ZNF804B: variants seen among roughly 807,000 people sequenced by gnomAD.
ZNF804B encodes zinc finger 804B.
A neutral mutation model predicts 101.4 loss-of-function variants in ZNF804B; 80 were observed. The ratio of observed to expected loss-of-function variants is 0.79; its 90% CI spans 0.66 to 0.95. The LOEUF (loss-of-function observed/expected upper bound fraction) is 0.95, where lower values mean the gene tolerates loss of function less well. ZNF804B is among the 40% of genes least tolerant of loss of function. The probability of loss-of-function intolerance (pLI) is 0.00; values close to 1 mark genes in which losing one functional copy is unlikely to be tolerated. For synonymous variants in ZNF804B, 622 were observed against 558.8 expected (o/e 1.11, Z -1.59); for missense variants, 1,673 against 1,561.9 (o/e 1.07, Z -1.20).
chr7:89,262,323 C>G (rs562201441), intron 2 of ZNF804B, among the ~76,000 whole-genome samples: 26 of 152,250 alleles, frequency 1.7e-4, no homozygotes, highest in African/African-American at 5.1e-4. Context: ...ATGCCTCTGG[C>G]CCATGCTCAT....
At chr7:89,201,571 T>G (rs757154) in intron 1 of ZNF804B, among the ~76,000 whole-genome samples, 1 of 151,822 alleles carries the variant, frequency 6.6e-6, no homozygotes, top group Non-Finnish European at 1.5e-5. Flanking sequence ...AAAAGGAGCA[T>G]GTAGTGGAAT....
intron 1 of ZNF804B, among the ~76,000 whole-genome samples, chr7:88,862,161 A>G (rs1373222319): frequency 1.3e-5 from 2 of 152,234 alleles, no homozygotes; most frequent in African/African-American, 4.8e-5. Flanking sequence ...AAGGACATGT[A>G]GTATAAAATT....
intron 1 of ZNF804B, among the ~76,000 whole-genome samples, chr7:89,082,540 C>T (rs966772612): frequency 6.6e-6 from 1 of 151,630 alleles, no homozygotes; most frequent in African/African-American, 2.4e-5. Context: ...TTATATTACA[C>T]AGTTTGTTGC....
chr7:89,037,476 A>G (rs1358933940), intron 1 of ZNF804B, among the ~76,000 whole-genome samples: 2 of 151,880 alleles, frequency 1.3e-5, no homozygotes, highest in African/African-American at 4.8e-5. Context: ...TATTAGTTAT[A>G]TATGTATATA....
chr7:89,283,476 T>C (rs1242545755), intron 2 of ZNF804B, among the ~76,000 whole-genome samples: 3 of 152,228 alleles, frequency 2.0e-5, no homozygotes, highest in East Asian at 1.9e-4. Context: ...GTGTGTGGAC[T>C]ACAAATGAGC....
intron 1 of ZNF804B, among the ~76,000 whole-genome samples, chr7:89,200,175 A>G (rs1788610909): frequency 6.6e-6 from 1 of 151,822 alleles, no homozygotes; most frequent in Non-Finnish European, 1.5e-5. Context: ...TTGGATTAAA[A>G]GACTTTTGTC....
intron 1 of ZNF804B, among the ~76,000 whole-genome samples, chr7:88,804,338 T>C (rs1457820303): frequency 6.6e-6 from 1 of 152,144 alleles, no homozygotes; most frequent in African/African-American, 2.4e-5. Flanking sequence ...TTTCTTTTTG[T>C]CTTTTCTATC....
At chr7:88,937,769 G>A (rs1287375491) in intron 1 of ZNF804B, among the ~76,000 whole-genome samples, 1 of 151,984 alleles carries the variant, frequency 6.6e-6, no homozygotes, top group Non-Finnish European at 1.5e-5. Context: ...ATATTGAAGG[G>A]TCACAGTGAG....
chr7:89,314,616 C>T (rs150048919), intron 2 of ZNF804B, among the ~76,000 whole-genome samples: 1 of 152,252 alleles, frequency 6.6e-6, no homozygotes, highest in African/African-American at 2.4e-5. Context: ...CTTTTCCAAA[C>T]TTAAATAATA....
At chr7:89,051,190 G>A (rs1441933091) in intron 1 of ZNF804B, among the ~76,000 whole-genome samples, 1 of 151,938 alleles carries the variant, frequency 6.6e-6, no homozygotes, top group Non-Finnish European at 1.5e-5. Context: ...GTGTGTAGGT[G>A]TGTGTGCATG....
At chr7:88,761,469 T>C (rs1399937417) in intron 1 of ZNF804B, among the ~76,000 whole-genome samples, 2 of 152,184 alleles carry the variant, frequency 1.3e-5, no homozygotes, top group East Asian at 3.9e-4. Flanking sequence ...TCTTTCCCAT[T>C]TCTAAAGATT....
chr7:89,052,049 C>T (rs771593085), intron 1 of ZNF804B, among the ~76,000 whole-genome samples: 3 of 152,072 alleles, frequency 2.0e-5, no homozygotes, highest in Admixed American at 6.6e-5. Flanking sequence ...TTAAATATGT[C>T]TAATTTGTTT....
intron 1 of ZNF804B, among the ~76,000 whole-genome samples, chr7:89,067,843 A>ATTTTTT (rs1188508335): frequency 1.3e-5 from 1 of 76,694 alleles, no homozygotes; most frequent in African/African-American, 6.2e-5. Flanking sequence ...TTTTTTTTTG[A>ATTTTTT]GACAGAGTCT....
At chr7:89,149,945 G>T (rs1790847595) in intron 1 of ZNF804B, among the ~76,000 whole-genome samples, 1 of 152,004 alleles carries the variant, frequency 6.6e-6, no homozygotes, top group South Asian at 2.1e-4. Flanking sequence ...CCATATCTGT[G>T]CCATGATAAT....
chr7:89,334,737 C>T lies in ZNF804B; in HGVS notation c.1755C>T (p.Asn585=), dbSNP rs759891441. 2.5e-6 allele frequency: 4 copies of T among 1,613,728 alleles called. No homozygotes were observed. The highest frequency in any genetic ancestry group is 1.1e-5 in the South Asian group (1 of 91,076). ...MKNPKVPLYL[N]TSLKDCAGKN... The stretch of plus-strand genomic sequence containing the variant: ...ATCCTAAAGTGCCTCTTTACCTCAA[C>T]ACATCTCTAAAGGATTGTGCTGGAA... The change falls in exon 4 of 4, where the codon AAC becomes AAT. Residue 585 remains asparagine, a synonymous_variant. Transcript: ENST00000333190.
intron 1 of ZNF804B, among the ~76,000 whole-genome samples, chr7:89,140,944 T>C (rs554041181): frequency 6.6e-6 from 1 of 150,734 alleles, no homozygotes; most frequent in East Asian, 1.9e-4. Context: ...ATTTCTAGCT[T>C]TTGATTAAAA....
chr7:89,315,966 T>C (rs2115956398), intron 2 of ZNF804B, among the ~76,000 whole-genome samples: 1 of 152,274 alleles, frequency 6.6e-6, no homozygotes, highest in Non-Finnish European at 1.5e-5. Flanking sequence ...TTGTAGGAAT[T>C]ATGTAGAACC....
intron 1 of ZNF804B, among the ~76,000 whole-genome samples, chr7:89,192,696 C>T (rs1226461676): frequency 6.6e-6 from 1 of 151,700 alleles, no homozygotes; most frequent in Non-Finnish European, 1.5e-5. Context: ...AGGGACACAA[C>T]AAAAAAAGAA....
intron 2 of ZNF804B, among the ~76,000 whole-genome samples, chr7:89,225,076 C>T (rs2115722966): frequency 6.6e-6 from 1 of 152,200 alleles, no homozygotes; most frequent in African/African-American, 2.4e-5. Context: ...TGTTCTCGTT[C>T]TCTTCATTTG....
Sources: allele counts gnomAD v4.1 joint callset (sites outside exome capture counted in the v4.1 genomes callset), GRCh38; gene constraint gnomAD v4.1.1; transcripts MANE v1.5; gene names NCBI Gene and HGNC (gene_info 2026-07-23, HGNC 2026-07-21).